Variants in CNTNAP2 observed in about 807,000 individuals in gnomAD.
The protein encoded by CNTNAP2 is contactin associated protein 2.
CNTNAP2 carries 98 observed loss-of-function variants against 155.2 expected under a neutral mutation model. The observed-to-expected ratio is 0.63, with a 90% CI of 0.54 to 0.75. The LOEUF is 0.75. Among genes scored for constraint, CNTNAP2 ranks in the 30% least tolerant of loss-of-function variants. The pLI, the probability that CNTNAP2 is intolerant of heterozygous loss-of-function variation, is 0.00. For missense variants in CNTNAP2, 1,727 were observed against 1,688.1 expected, an observed-to-expected ratio of 1.02 and a Z score of -0.40; for synonymous variants, 651 against 631.2, an observed-to-expected ratio of 1.03 and a Z score of -0.47.
intron 1 of CNTNAP2, among the ~76,000 whole-genome samples, chr7:146,477,449 T>A (rs1796894089): frequency 1.3e-5 from 2 of 152,156 alleles, no homozygotes; most frequent in Admixed American, 1.3e-4. Flanking sequence ...ATTTCTGTGG[T>A]CTCTAGCATA....
intron 1 of CNTNAP2, among the ~76,000 whole-genome samples, chr7:146,502,081 G>A (rs992942466): frequency 6.6e-6 from 1 of 151,664 alleles, no homozygotes; most frequent in Non-Finnish European, 1.5e-5. Context: ...CATTATATAT[G>A]AGTGAGAACA....
intron 16 of CNTNAP2, among the ~76,000 whole-genome samples, chr7:148,133,043 G>A (rs1804865487): frequency 6.6e-6 from 1 of 151,446 alleles, no homozygotes; most frequent in African/African-American, 2.4e-5. Flanking sequence ...TTAATCATAC[G>A]AATAAATGAA....
At chr7:147,050,686 G>T (rs565040606) in intron 4 of CNTNAP2, among the ~76,000 whole-genome samples, 1 of 152,278 alleles carries the variant, frequency 6.6e-6, no homozygotes, top group Admixed American at 6.5e-5. Context: ...CCAGGCAAGA[G>T]ATGCTGCCAT....
intron 9 of CNTNAP2, among the ~76,000 whole-genome samples, chr7:147,391,946 T>C (rs923661316): frequency 6.6e-6 from 1 of 152,132 alleles, no homozygotes; most frequent in African/African-American, 2.4e-5. Context: ...TTTGTAATAG[T>C]TCTTCTTTAG....
chr7:147,949,440 G>GTATATATATATATATATATATATACA (rs57422437), intron 14 of CNTNAP2, among the ~76,000 whole-genome samples: 1 of 127,366 alleles, frequency 7.9e-6, no homozygotes, highest in Non-Finnish European at 1.7e-5. Context: ...TCAACTGTGT[G>GTATATATATATATATATATATATACA]TATATATATA....
intron 1 of CNTNAP2, among the ~76,000 whole-genome samples, chr7:146,636,855 A>C (rs1373954448): frequency 6.6e-6 from 1 of 152,154 alleles, no homozygotes; most frequent in Non-Finnish European, 1.5e-5. Context: ...GTGATTCCAA[A>C]ATCCCCTCAT....
At chr7:146,346,945 A>T (rs925368280) in intron 1 of CNTNAP2, among the ~76,000 whole-genome samples, 2 of 150,194 alleles carry the variant, frequency 1.3e-5, no homozygotes, top group African/African-American at 4.9e-5. Flanking sequence ...TTTTTATTTT[A>T]TTTTTTTTTG....
At chr7:147,117,902 A>T (rs1801021553) in intron 5 of CNTNAP2, among the ~76,000 whole-genome samples, 1 of 152,176 alleles carries the variant, frequency 6.6e-6, no homozygotes, top group South Asian at 2.1e-4. Flanking sequence ...ATTCGCCATC[A>T]CTTAGTTACA....
At position 148,162,832 on chromosome 7, in the gene CNTNAP2, CA is replaced by C. The variant is rs201351845; in HGVS notation, c.2774-9401del. 8.1e-3 allele frequency among the ~76,000 whole-genome samples: 1,215 copies of C among 150,322 alleles called. 14 individuals are homozygous for C. Among genetic ancestry groups the C allele is most frequent in the African/African-American group, 0.027 (1,115 of 41,228 alleles). ...GCAACATAGCAAGACCTTGTCTCTA[CA>C]AAAAAAAATTTTTTTAATTAACCAG... is the stretch of plus-strand genomic sequence containing the variant. On this transcript the variant is annotated intron_variant, in intron 17 of 23. Transcript: ENST00000361727.
At chr7:146,761,321 G>GGAAA in intron 1 of CNTNAP2, among the ~76,000 whole-genome samples, 1 of 141,896 alleles carries the variant, frequency 7.0e-6, no homozygotes, top group South Asian at 2.1e-4. Flanking sequence ...AAGGAAGGAA[G>GGAAA]GAAGGAAGGA....
intron 1 of CNTNAP2, among the ~76,000 whole-genome samples, chr7:146,449,762 G>A (rs1192659715): frequency 6.6e-6 from 1 of 152,118 alleles, no homozygotes; most frequent in East Asian, 1.9e-4. Context: ...TGGTTGATAT[G>A]CCTTTTAGTA....
intron 8 of CNTNAP2, among the ~76,000 whole-genome samples, chr7:147,192,778 A>T (rs930462048): frequency 6.6e-6 from 1 of 152,154 alleles, no homozygotes; most frequent in Non-Finnish European, 1.5e-5. Flanking sequence ...CATTTTGAGG[A>T]ATTACATGTT....
At chr7:146,193,671 G>T (rs1300695089) in intron 1 of CNTNAP2, among the ~76,000 whole-genome samples, 2 of 152,200 alleles carry the variant, frequency 1.3e-5, no homozygotes, top group South Asian at 4.1e-4. Context: ...TGCCATGAAG[G>T]TCTCCGAGAT....
chr7:147,409,446 C>CT (rs1207668213), intron 10 of CNTNAP2, among the ~76,000 whole-genome samples: 1 of 152,166 alleles, frequency 6.6e-6, no homozygotes, highest in East Asian at 1.9e-4. Flanking sequence ...ACTATAAACA[C>CT]TTTGCAATAC....
At chr7:147,800,703 G>A (rs1454052085) in intron 13 of CNTNAP2, among the ~76,000 whole-genome samples, 2 of 152,152 alleles carry the variant, frequency 1.3e-5, no homozygotes, top group African/African-American at 4.8e-5. Context: ...AAAAAGCTTT[G>A]AACCCAGCAT....
At chr7:147,068,996 G>A (rs10225201) in intron 4 of CNTNAP2, among the ~76,000 whole-genome samples, 489 of 152,200 alleles carry the variant, frequency 3.2e-3, no homozygotes, top group Middle Eastern at 6.8e-3. Flanking sequence ...ACTTTTACTC[G>A]TGGCAGAAGG....
intron 1 of CNTNAP2, among the ~76,000 whole-genome samples, chr7:146,139,837 C>T (rs556345676): frequency 6.6e-6 from 1 of 152,240 alleles, no homozygotes; most frequent in Admixed American, 6.6e-5. Context: ...GGCAATAATA[C>T]ATGCTTGAGT....
chr7:147,083,532 A>G (rs1800184795), intron 4 of CNTNAP2, among the ~76,000 whole-genome samples: 1 of 79,086 alleles, frequency 1.3e-5, no homozygotes, highest in African/African-American at 4.3e-5. Flanking sequence ...TTATATATAT[A>G]TATACATATA....
In CNTNAP2 at chr7:148,301,131, T is replaced by G. The variant is rs1372878902; in HGVS notation, c.3475+34005T>G. Among the ~76,000 whole-genome samples the G allele has an allele frequency of 4.0e-5, 6 of 151,574 alleles. No homozygotes were observed. In the East Asian group the frequency reaches 1.2e-3, roughly 29 times the overall value. ...TAACATGGTGAAACCGCGTCTGTAC[T>G]AAAAATACAAAAATTGGCTGGGCAT... On this transcript the variant is annotated intron_variant, in intron 21 of 23. Transcript: ENST00000361727.
Sources: gnomAD v4.1 joint callset for allele counts (sites outside exome capture counted in the v4.1 genomes callset) on GRCh38, gnomAD v4.1.1 for gene constraint, MANE v1.5 for transcripts, NCBI Gene and HGNC (gene_info 2026-07-23, HGNC 2026-07-21) for gene names.